The following CTNS variants were observed in gnomAD, a reference collection of about 807,000 sequenced individuals.
CTNS encodes the protein cystinosin.
CTNS carries 27 observed loss-of-function variants against 43.7 expected under a neutral mutation model. The ratio of observed to expected loss-of-function variants is 0.62; its 90% CI spans 0.46 to 0.85. The LOEUF is 0.85. CTNS is among the 40% of genes least tolerant of loss of function. The pLI, the probability that CTNS is intolerant of heterozygous loss-of-function variation, is 0.00. For synonymous variants in CTNS, 187 were observed against 190.6 expected (o/e 0.98, Z 0.16); for missense variants, 457 against 475.4 (o/e 0.96, Z 0.36).
chr17:3,639,517 A>C (rs1347498523), intron 2 of CTNS, among the ~76,000 whole-genome samples: 1 of 151,942 alleles, frequency 6.6e-6, no homozygotes, highest in Admixed American at 6.6e-5. Flanking sequence ...AAAATACAAA[A>C]GTTAGCCGGG....
chr17:3,656,458 G>T, intron 7 of CTNS, 29 bp from the exon 8 acceptor site: 1 of 1,475,890 alleles, frequency 6.8e-7, no homozygotes, highest in Non-Finnish European at 9.1e-7. Flanking sequence ...TTCACCCCCT[G>T]CCCTGTCTTG....
At chr17:3,641,233 T>G (rs1264259421) in intron 3 of CTNS, among the ~76,000 whole-genome samples, 1 of 151,380 alleles carries the variant, frequency 6.6e-6, no homozygotes, top group Non-Finnish European at 1.5e-5. Flanking sequence ...CTTCTAGCAA[T>G]TCTCCCACTG....
rs535825278 is a variant in CTNS, at chr17:3,649,758, T to A, written c.225+827T>A. 6.3e-5 allele frequency among the ~76,000 whole-genome samples: 8 copies of A among 126,200 alleles called. No homozygotes were observed. The South Asian group carries it at 2.4e-3, about 37-fold the overall frequency. The allele number at this position is 126,200 out of a possible 152,430, so 82.8% of individuals were successfully genotyped here. A position where few individuals can be genotyped will look rare whatever the true frequency, so the allele number is the denominator to read the frequency against. ...ATGTATCTATTTGTGTGTACCCTGC[T>A]CCCACCTTACTGAGCATTTGAGCCA... On this transcript the variant is annotated intron_variant, in intron 5 of 11. Coordinates refer to ENST00000046640, the MANE Select transcript of CTNS (RefSeq NM_004937.3).
In CTNS at chr17:3,660,276, A is replaced by T. The variant is rs1190614494; in HGVS notation, c.1011A>T (p.Gly337=). 1.2e-6 allele frequency: 2 copies of T among 1,614,092 alleles called. No homozygotes were observed. The highest frequency in any genetic ancestry group is 3.3e-5 in the Admixed American group (2 of 60,012). ...TLIFGDPTKF[G]LGVFSIVFDV... ...TCTTCGGAGACCCAACCAAGTTTGG[A>T]CTCGGGGTCTTCTCCATCGTCTTCG... The change falls in exon 12 of 12, where the codon GGA becomes GGT. Residue 337 remains glycine (G), a synonymous_variant. Coordinates refer to ENST00000046640, the MANE Select transcript of CTNS (RefSeq NM_004937.3).
At chr17:3,658,289 C>G in intron 10 of CTNS, 114 bp downstream of exon 10, 1 of 1,400,154 alleles carries the variant, frequency 7.1e-7, no homozygotes, top group East Asian at 2.5e-5. Context: ...GGACGGAAAG[C>G]CACAGGGAGC....
intron 3 of CTNS, among the ~76,000 whole-genome samples, 184 bp from the exon 4 acceptor site, chr17:3,647,260 C>G (rs1406630737): frequency 6.6e-6 from 1 of 152,240 alleles, no homozygotes; most frequent in African/African-American, 2.4e-5. Flanking sequence ...TCCTCCATCT[C>G]TGTCTCTGGC....
At position 3,661,873 on chromosome 17, in the gene CTNS, A is replaced by G. The variant is rs548182885; in HGVS notation, c.*1504A>G. Among the ~76,000 whole-genome samples, 3 of 152,310 alleles carry G rather than the reference A, an allele frequency of 2.0e-5. No individual in the cohort carries two copies. The highest frequency in any genetic ancestry group is 2.0e-4 in the Admixed American group (3 of 15,310). On this transcript the variant is annotated 3_prime_UTR_variant, in exon 12 of 12. Coordinates refer to ENST00000046640, the MANE Select transcript of CTNS (RefSeq NM_004937.3). ...TATTCTCCAGACGCTTCCTCTATCT[A>G]GTTGTAACAAACGTCAAAGAATGTC...
At position 3,660,594 on chromosome 17, in the gene CTNS, C is replaced by G; in HGVS notation, c.*225C>G. On this transcript the variant is annotated 3_prime_UTR_variant, in exon 12 of 12. Coordinates refer to ENST00000046640, the MANE Select transcript of CTNS (RefSeq NM_004937.3). ...CAGGCACGTGGCACCGTCGCCTTGA[C>G]ACCGCCATCTCTTTTCTTTAAGGCT... 6.2e-7 allele frequency: 1 copy of G among 1,613,340 alleles called. No homozygotes were observed. Among genetic ancestry groups the G allele is most frequent in the Non-Finnish European group, 8.5e-7 (1 of 1,180,022 alleles).
intron 11 of CTNS, 91 bp downstream of exon 11, chr17:3,660,066 C>A: frequency 6.9e-7 from 1 of 1,441,390 alleles, no homozygotes; most frequent in Non-Finnish European, 9.7e-7. Context: ...GGCTCCACCC[C>A]CACCTGGGAT....
chr17:3,648,121 A>C (rs1183831863), intron 4 of CTNS, among the ~76,000 whole-genome samples: 1 of 152,208 alleles, frequency 6.6e-6, no homozygotes, highest in African/African-American at 2.4e-5. Flanking sequence ...CTGATGAAGA[A>C]GACCTAGAAC....
Position 3,655,147 on chromosome 17 carries a change from G to A in CTNS, c.329+46G>A, listed in dbSNP as rs750940230. On this transcript the variant is annotated intron_variant, in intron 6 of 11. Transcript: ENST00000046640. ...GCGGGCCTCACGTGACAAGAAGGGG[G>A]CCGTGCTGGGCACGTGGGAGTCTCC... The A allele has an allele frequency of 1.7e-5, 28 of 1,613,816 alleles. No individual in the cohort carries two copies. In the South Asian group the frequency reaches 2.6e-4, roughly 15 times the overall value.
At chr17:3,640,609 C>T (rs999480500) in intron 3 of CTNS, among the ~76,000 whole-genome samples, 1 of 152,262 alleles carries the variant, frequency 6.6e-6, no homozygotes, top group African/African-American at 2.4e-5. Flanking sequence ...ATCTTAAAGA[C>T]TGGCTCAGGC....
chr17:3,658,806 G>C (rs1329822570), intron 10 of CTNS, among the ~76,000 whole-genome samples: 1 of 152,214 alleles, frequency 6.6e-6, no homozygotes, highest in South Asian at 2.1e-4. Flanking sequence ...GGACTCTTAG[G>C]CTGAGCAGGA....
In CTNS at chr17:3,655,223, C is replaced by T. The variant is rs149689304; in HGVS notation, c.332C>T (p.Pro111Leu). Residue 111 changes from proline (P) to leucine (L), a missense_variant and splice_region_variant, in exon 7 of 12, where the codon CCG (proline) becomes CTG (leucine). By Grantham distance (98) the Pro-to-Leu change is moderately conservative (BLOSUM62 -3). Transcript: ENST00000046640. Reference protein sequence around the residue: ...LHGNHSNQTGPRIRFLVIRSS... With the variant: ...LHGNHSNQTGLRIRFLVIRSS... Reference sequence around the variant, plus strand: ...CCGGTCCCCAAACTCCTTTCCAGCCCGAGGATACGCTTTCTTGTGATCCGC... The same window carrying T: ...CCGGTCCCCAAACTCCTTTCCAGCCTGAGGATACGCTTTCTTGTGATCCGC... The T allele has an allele frequency of 2.1e-4, 331 of 1,614,044 alleles. No homozygotes were observed. The highest frequency in any genetic ancestry group is 2.5e-4 in the Non-Finnish European group (293 of 1,180,040).
chr17:3,639,539 G>A (rs2075629276), intron 2 of CTNS, among the ~76,000 whole-genome samples: 1 of 151,896 alleles, frequency 6.6e-6, no homozygotes. Flanking sequence ...ATGGTGGGGG[G>A]CACCTGTAAT....
At chr17:3,651,871 G>C (rs1036967126) in intron 5 of CTNS, among the ~76,000 whole-genome samples, 1 of 151,702 alleles carries the variant, frequency 6.6e-6, no homozygotes, top group African/African-American at 2.4e-5. Context: ...CTACTCAGGA[G>C]GCTGAGGCAG....
At position 3,661,364 on chromosome 17, in the gene CTNS, C is replaced by A. The variant is rs1453079522; in HGVS notation, c.*995C>A. 2 of 156,520 alleles carry A rather than the reference C, an allele frequency of 1.3e-5. No individual in the cohort carries two copies. Among genetic ancestry groups the A allele is most frequent in the Non-Finnish European group, 2.8e-5 (2 of 70,566 alleles). The allele number at this position is 156,520 out of a possible 1,614,324, so 9.7% of individuals were successfully genotyped here. A position where few individuals can be genotyped will look rare whatever the true frequency, so the allele number is the denominator to read the frequency against. On this transcript the variant is annotated 3_prime_UTR_variant, in exon 12 of 12. Transcript: ENST00000046640. ...CCTCACACAATCTGTATGGGCCCAA[C>A]CCTGATCTCAAACCTCCTTCCCTCT...
At chr17:3,644,135 G>A (rs2150898691) in intron 3 of CTNS, among the ~76,000 whole-genome samples, 1 of 152,324 alleles carries the variant, frequency 6.6e-6, no homozygotes, top group Non-Finnish European at 1.5e-5. Flanking sequence ...ATCATGTGAT[G>A]ATAATAATAG....
At chr17:3,652,600 A>T (rs185858857) in intron 5 of CTNS, among the ~76,000 whole-genome samples, 22 of 152,232 alleles carry the variant, frequency 1.4e-4, no homozygotes, top group Admixed American at 4.6e-4. Flanking sequence ...CTAAAAAAAT[A>T]AAAAATGTCT....
Sources: gnomAD v4.1 joint callset for allele counts (sites outside exome capture counted in the v4.1 genomes callset) on GRCh38, gnomAD v4.1.1 for gene constraint, MANE v1.5 for transcripts, NCBI Gene and HGNC (gene_info 2026-07-23, HGNC 2026-07-21) for gene names.